The following SCAMP1 variants were observed in gnomAD, a reference collection of about 807,000 sequenced individuals.
SCAMP1 encodes the protein secretory carrier-associated membrane protein 1.
In SCAMP1, 15 loss-of-function variants were observed where a neutral mutation model predicts 41.8. That is an observed-to-expected ratio of 0.36 (90% CI 0.24 to 0.55). The LOEUF is 0.55. SCAMP1 is among the 20% of genes least tolerant of loss of function. The pLI is 0.86. For missense variants in SCAMP1, 341 were observed against 412.6 expected, an observed-to-expected ratio of 0.83 and a Z score of 1.50; for synonymous variants, 135 against 136.8, an observed-to-expected ratio of 0.99 and a Z score of 0.09.
intron 2 of SCAMP1, among the ~76,000 whole-genome samples, chr5:78,397,949 C>A (rs1407026483): frequency 6.6e-6 from 1 of 152,142 alleles, no homozygotes; most frequent in Admixed American, 6.5e-5. Flanking sequence ...CAGGCAATAG[C>A]GAGTATTGGC....
intron 1 of SCAMP1, among the ~76,000 whole-genome samples, chr5:78,382,809 G>T (rs921034584): frequency 9.8e-5 from 10 of 102,480 alleles, no homozygotes; most frequent in African/African-American, 3.6e-4. Flanking sequence ...GTGTGTGTGT[G>T]TGTGTGTGTG....
intron 2 of SCAMP1, among the ~76,000 whole-genome samples, chr5:78,389,293 C>CTGTTTGT: frequency 6.6e-6 from 1 of 151,964 alleles, no homozygotes; most frequent in Non-Finnish European, 1.5e-5. Context: ...AGAACTGTAC[C>CTGTTTGT]ATGAATGTTT....
intron 1 of SCAMP1, among the ~76,000 whole-genome samples, chr5:78,362,214 T>C (rs1260301955): frequency 6.6e-6 from 1 of 152,250 alleles, no homozygotes; most frequent in Non-Finnish European, 1.5e-5. Flanking sequence ...ATGGGTGTTA[T>C]TTTAAAATAT....
At chr5:78,409,188 C>T (rs538368476) in intron 2 of SCAMP1, among the ~76,000 whole-genome samples, 41 of 152,236 alleles carry the variant, frequency 2.7e-4, no homozygotes, top group African/African-American at 8.4e-4. Context: ...GGTATCAAGG[C>T]TGTTCTTTCT....
chr5:78,422,244 A>C (rs756918089), intron 6 of SCAMP1, among the ~76,000 whole-genome samples: 4 of 151,970 alleles, frequency 2.6e-5, no homozygotes, highest in Non-Finnish European at 4.4e-5. Context: ...TCTCTTCCAT[A>C]TGTTATACTT....
chr5:78,432,318 AT>A lies in SCAMP1; in HGVS notation c.632+10359del, dbSNP rs1166765192. Among the ~76,000 whole-genome samples the A allele has an allele frequency of 1.4e-4, 22 of 152,186 alleles. No homozygotes were observed. In the East Asian group the frequency reaches 4.2e-3, roughly 29 times the overall value. On this transcript the variant is annotated intron_variant, in intron 6 of 8. Transcript: ENST00000621999. ...TGTGTGGGTGTATATGTGGAGATCC[AT>A]GTTTTTGTATCATATCATAATCTTT...
intron 2 of SCAMP1, among the ~76,000 whole-genome samples, chr5:78,409,422 T>TACACAC (rs59969661): frequency 0.05 from 7,436 of 148,838 alleles, 264 homozygotes; most frequent in East Asian, 0.16. Flanking sequence ...CACATATAGA[T>TACACAC]ACACACACAC....
At chr5:78,443,512 G>A (rs1427402709) in intron 6 of SCAMP1, among the ~76,000 whole-genome samples, 1 of 152,092 alleles carries the variant, frequency 6.6e-6, no homozygotes, top group African/African-American at 2.4e-5. Context: ...GTTTGATATT[G>A]TTCAGGTTTA....
chr5:78,379,155 T>A (rs1751137765), intron 1 of SCAMP1, among the ~76,000 whole-genome samples: 1 of 152,246 alleles, frequency 6.6e-6, no homozygotes, highest in South Asian at 2.1e-4. Flanking sequence ...ATGCACTAAT[T>A]GATCTTAAGG....
chr5:78,435,164 A>G (rs1358470413), intron 6 of SCAMP1, among the ~76,000 whole-genome samples: 2 of 152,210 alleles, frequency 1.3e-5, no homozygotes, highest in African/African-American at 2.4e-5. Flanking sequence ...AAATATAGAA[A>G]AGGAGAGCTT....
At chr5:78,461,004 C>T (rs1394470942) in intron 8 of SCAMP1, among the ~76,000 whole-genome samples, 2 of 151,840 alleles carry the variant, frequency 1.3e-5, no homozygotes, top group Non-Finnish European at 2.9e-5. Flanking sequence ...TACAGGTGTG[C>T]ACCAGCATGC....
intron 6 of SCAMP1, among the ~76,000 whole-genome samples, chr5:78,443,507 A>T (rs957804784): frequency 2.0e-5 from 3 of 151,996 alleles, no homozygotes; most frequent in Admixed American, 1.3e-4. Context: ...TCTAGGTTTG[A>T]TATTGTTCAG....
intron 8 of SCAMP1, among the ~76,000 whole-genome samples, chr5:78,460,778 T>TTCCTTCCTTCCTTCCTTTGGTTTCTTTTC (rs1753571596): frequency 7.0e-5 from 3 of 42,690 alleles, no homozygotes; most frequent in African/African-American, 3.2e-4. Context: ...CCTTCCTTCC[T>TTCCTTCCTTCCTTCCTTTGGTTTCTTTTC]TCCTTCCTTC....
chr5:78,464,205 G>A (rs1012156466), intron 8 of SCAMP1, among the ~76,000 whole-genome samples: 1 of 151,798 alleles, frequency 6.6e-6, no homozygotes, highest in Non-Finnish European at 1.5e-5. Context: ...GTGTGATGGC[G>A]TGATCTCTGC....
intron 8 of SCAMP1, among the ~76,000 whole-genome samples, chr5:78,468,493 G>A (rs1753797893): frequency 6.6e-6 from 1 of 152,026 alleles, no homozygotes; most frequent in Admixed American, 6.6e-5. Flanking sequence ...CTGTTAATTG[G>A]TATGGCTAGA....
At chr5:78,368,906 C>CAA (rs1399614750) in intron 1 of SCAMP1, among the ~76,000 whole-genome samples, 1 of 151,930 alleles carries the variant, frequency 6.6e-6, no homozygotes, top group East Asian at 1.9e-4. Flanking sequence ...TTTGTCCAAA[C>CAA]AGACTTTTAA....
intron 2 of SCAMP1, among the ~76,000 whole-genome samples, chr5:78,391,143 G>A (rs1366710478): frequency 1.3e-5 from 2 of 152,208 alleles, no homozygotes; most frequent in Non-Finnish European, 2.9e-5. Context: ...TTGTCATCAT[G>A]GCCCGTTCTC....
chr5:78,470,053 C>G (rs1042653320), intron 8 of SCAMP1, among the ~76,000 whole-genome samples: 2 of 151,758 alleles, frequency 1.3e-5, no homozygotes, highest in African/African-American at 4.8e-5. Context: ...TTGCATACCA[C>G]TACACTCCAG....
intron 1 of SCAMP1, among the ~76,000 whole-genome samples, chr5:78,366,682 C>T (rs762560083): frequency 2.0e-5 from 3 of 152,084 alleles, no homozygotes; most frequent in African/African-American, 7.2e-5. Context: ...TTCACTCCTC[C>T]CTTATCTGTT....
Sources: allele counts gnomAD v4.1 joint callset (sites outside exome capture counted in the v4.1 genomes callset), GRCh38; gene constraint gnomAD v4.1.1; transcripts MANE v1.5; gene names NCBI Gene and HGNC (gene_info 2026-07-23, HGNC 2026-07-21).